The following DLGAP2 variants were observed in gnomAD, a reference collection of about 807,000 sequenced individuals.
DLGAP2 encodes the protein disks large-associated protein 2.
A neutral mutation model predicts 100.3 loss-of-function variants in DLGAP2; 26 were observed. That is an observed-to-expected ratio of 0.26 (90% CI 0.19 to 0.36). DLGAP2 has a LOEUF of 0.36. DLGAP2 is among the 10% of genes least tolerant of loss of function. DLGAP2 has a pLI of 1.00. For synonymous variants in DLGAP2, 886 were observed against 630.1 expected, an observed-to-expected ratio of 1.41 and a Z score of -6.08; for missense variants, 1,858 against 1,453.2, an observed-to-expected ratio of 1.28 and a Z score of -4.53.
At chr8:1,159,814 T>C in intron 2 of DLGAP2, among the ~76,000 whole-genome samples, 1 of 152,186 alleles carries the variant, frequency 6.6e-6, no homozygotes, top group East Asian at 1.9e-4. Flanking sequence ...GTTTATTGAT[T>C]GATTACCTGG....
At chr8:1,195,658 T>C (rs1371297373) in intron 2 of DLGAP2, among the ~76,000 whole-genome samples, 1 of 152,056 alleles carries the variant, frequency 6.6e-6, no homozygotes, top group Non-Finnish European at 1.5e-5. Context: ...TCCAAAGGAT[T>C]CTCTTCTTTT....
intron 1 of DLGAP2, among the ~76,000 whole-genome samples, chr8:801,651 G>C (rs143202195): frequency 2.7e-4 from 41 of 152,238 alleles, no homozygotes; most frequent in African/African-American, 8.7e-4. Context: ...TGAAACACCT[G>C]CTTCTCCTGT....
At chr8:1,495,355 G>A (rs944479892) in intron 3 of DLGAP2, among the ~76,000 whole-genome samples, 1 of 152,196 alleles carries the variant, frequency 6.6e-6, no homozygotes, top group Non-Finnish European at 1.5e-5. Context: ...AGAGGCAGCC[G>A]AGGACGTTTA....
intron 3 of DLGAP2, chr8:1,300,555 C>G (rs375009210): frequency 5.9e-5 from 9 of 152,438 alleles, no homozygotes; most frequent in African/African-American, 1.9e-4. Context: ...GAAGCACACC[C>G]TGTCGTGTGT....
chr8:1,075,066 A>G (rs1803562955), intron 2 of DLGAP2, among the ~76,000 whole-genome samples: 1 of 151,990 alleles, frequency 6.6e-6, no homozygotes, highest in Admixed American at 6.5e-5. Flanking sequence ...GGGGGTGGGG[A>G]CCACGGTGCC....
At chr8:1,432,006 C>G (rs923488369) in intron 3 of DLGAP2, among the ~76,000 whole-genome samples, 16 of 151,184 alleles carry the variant, frequency 1.1e-4, no homozygotes, top group African/African-American at 3.2e-4. Context: ...ACCCAGCACC[C>G]CATGCCAGCC....
At chr8:1,368,346 CGT>C (rs1336144628) in intron 3 of DLGAP2, among the ~76,000 whole-genome samples, 1 of 150,752 alleles carries the variant, frequency 6.6e-6, no homozygotes, top group Non-Finnish European at 1.5e-5. Flanking sequence ...TGTGTGCATG[CGT>C]GTGTATATAT....
intron 2 of DLGAP2, among the ~76,000 whole-genome samples, chr8:983,819 T>G (rs1225031539): frequency 6.6e-6 from 1 of 152,060 alleles, no homozygotes; most frequent in Non-Finnish European, 1.5e-5. Flanking sequence ...CTAATTTTTT[T>G]TGTAGAGACC....
intron 8 of DLGAP2, among the ~76,000 whole-genome samples, chr8:1,637,592 T>C (rs548177614): frequency 5.3e-5 from 8 of 152,184 alleles, no homozygotes; most frequent in Non-Finnish European, 1.0e-4. Context: ...GTTTTAGAAA[T>C]GTAAAAAATG....
intron 2 of DLGAP2, among the ~76,000 whole-genome samples, chr8:1,130,505 G>A (rs1341346513): frequency 1.3e-5 from 2 of 152,162 alleles, no homozygotes; most frequent in African/African-American, 4.8e-5. Flanking sequence ...AAAAAGGGAT[G>A]GAGGCTCAAT....
At chr8:1,072,847 A>G (rs1221234069) in intron 2 of DLGAP2, among the ~76,000 whole-genome samples, 3 of 152,180 alleles carry the variant, frequency 2.0e-5, no homozygotes, top group African/African-American at 7.2e-5. Context: ...ACTGCCGGGA[A>G]GGTTTCGGGG....
chr8:1,008,992 C>G (rs1382039560), intron 2 of DLGAP2, among the ~76,000 whole-genome samples: 1 of 152,230 alleles, frequency 6.6e-6, no homozygotes, highest in African/African-American at 2.4e-5. Flanking sequence ...TGGCCAGACC[C>G]TTCCTCGCAG....
At chr8:1,127,821 G>T (rs1796202420) in intron 2 of DLGAP2, among the ~76,000 whole-genome samples, 1 of 152,220 alleles carries the variant, frequency 6.6e-6, no homozygotes, top group Non-Finnish European at 1.5e-5. Context: ...TTGTTTTGAT[G>T]TGGCCTCATA....
intron 3 of DLGAP2, among the ~76,000 whole-genome samples, chr8:1,489,007 C>T (rs1344712958): frequency 1.3e-5 from 2 of 152,202 alleles, no homozygotes; most frequent in Admixed American, 6.5e-5. Flanking sequence ...AACTCGCATT[C>T]AGCTTAAATA....
At chr8:1,240,661 G>A (rs779606751) in intron 2 of DLGAP2, among the ~76,000 whole-genome samples, 52 of 150,512 alleles carry the variant, frequency 3.5e-4, no homozygotes, top group African/African-American at 5.6e-4. Context: ...ACAGAGCATC[G>A]TGTCTGGTTC....
Position 1,198,124 on chromosome 8 carries a change from G to A in DLGAP2, c.74-60727G>A, listed in dbSNP as rs187220554. On this transcript the variant is annotated intron_variant, in intron 2 of 14. Transcript: ENST00000637795. ...TGTGTGTGTACGTGTGTGCGTGTGT[G>A]CGTGTGGGTGTGTGGACGTAGACTC... Among the ~76,000 whole-genome samples the A allele has an allele frequency of 4.1e-4, 62 of 152,196 alleles. 1 individual carries two copies. The East Asian group carries it at 0.011, about 28-fold the overall frequency.
intron 5 of DLGAP2, among the ~76,000 whole-genome samples, chr8:1,555,507 C>T (rs1801934202): frequency 6.6e-6 from 1 of 152,230 alleles, no homozygotes; most frequent in African/African-American, 2.4e-5. Context: ...GAATCCTCTC[C>T]CACCTTGAGT....
At chr8:1,196,895 T>C (rs1006246877) in intron 2 of DLGAP2, among the ~76,000 whole-genome samples, 1 of 152,100 alleles carries the variant, frequency 6.6e-6, no homozygotes, top group Non-Finnish European at 1.5e-5. Flanking sequence ...GGATTTATTA[T>C]GGGAATTGGT....
chr8:1,445,078 CT>C (rs11310548), intron 3 of DLGAP2, among the ~76,000 whole-genome samples: 133,038 of 141,394 alleles, frequency 0.94, 62,568 homozygotes, highest in East Asian at 0.99. Flanking sequence ...CCAGATCATT[CT>C]TTTTTTTTTT....
Sources: allele counts gnomAD v4.1 joint callset (sites outside exome capture counted in the v4.1 genomes callset), GRCh38; gene constraint gnomAD v4.1.1; transcripts MANE v1.5; gene names NCBI Gene and HGNC (gene_info 2026-07-23, HGNC 2026-07-21).